The following NLGN1 variants were observed in gnomAD, a reference collection of about 807,000 sequenced individuals.
The protein encoded by NLGN1 is neuroligin-1.
A neutral mutation model predicts 65.5 loss-of-function variants in NLGN1; 12 were observed. The ratio of observed to expected loss-of-function variants is 0.18; its 90% CI spans 0.12 to 0.30. The LOEUF is 0.30. Ranked by LOEUF, NLGN1 falls within the 10% of genes least tolerant of loss-of-function variation. The pLI is 1.00. For synonymous variants in NLGN1, 350 were observed against 359.5 expected (o/e 0.97, Z 0.30); for missense variants, 750 against 1,007.1 (o/e 0.74, Z 3.46).
intron 4 of NLGN1, among the ~76,000 whole-genome samples, chr3:174,124,859 C>T (rs756262906): frequency 3.3e-5 from 5 of 151,910 alleles, no homozygotes; most frequent in Non-Finnish European, 7.4e-5. Context: ...ACGGAGGTTC[C>T]TGGAATCTTT....
chr3:173,615,930 G>A (rs974407501), intron 3 of NLGN1, among the ~76,000 whole-genome samples: 1 of 151,890 alleles, frequency 6.6e-6, no homozygotes, highest in African/African-American at 2.4e-5. Flanking sequence ...GCAGAGCCCT[G>A]GGGTAGGTCC....
intron 2 of NLGN1, among the ~76,000 whole-genome samples, chr3:173,495,191 T>G (rs1175745888): frequency 6.6e-6 from 1 of 151,816 alleles, no homozygotes; most frequent in Non-Finnish European, 1.5e-5. Context: ...ATTTTCAGTT[T>G]ATAGGTCTTA....
intron 3 of NLGN1, among the ~76,000 whole-genome samples, chr3:173,682,514 A>G (rs1426040383): frequency 3.5e-5 from 5 of 141,206 alleles, no homozygotes; most frequent in African/African-American, 1.3e-4. Flanking sequence ...GCTTGAACCC[A>G]GGAGGTGGAG....
intron 4 of NLGN1, among the ~76,000 whole-genome samples, chr3:174,254,443 T>A (rs976574767): frequency 6.6e-6 from 1 of 151,998 alleles, no homozygotes; most frequent in African/African-American, 2.4e-5. Context: ...TAGCTTTCAT[T>A]GCATCTAACT....
At chr3:174,106,659 T>C (rs1484254991) in intron 4 of NLGN1, among the ~76,000 whole-genome samples, 2 of 151,826 alleles carry the variant, frequency 1.3e-5, no homozygotes, top group Admixed American at 6.6e-5. Context: ...TAGAGAGATA[T>C]ATAGGAGGAG....
chr3:173,730,829 C>G (rs1051225792), intron 3 of NLGN1, among the ~76,000 whole-genome samples: 1 of 152,038 alleles, frequency 6.6e-6, no homozygotes, highest in Non-Finnish European at 1.5e-5. Flanking sequence ...AGCTTACTTA[C>G]GGAACATCAG....
At chr3:173,582,239 G>A (rs1746515626) in intron 2 of NLGN1, among the ~76,000 whole-genome samples, 1 of 151,904 alleles carries the variant, frequency 6.6e-6, no homozygotes, top group Non-Finnish European at 1.5e-5. Flanking sequence ...TGCAGTATAT[G>A]AATATTCTAT....
At chr3:173,526,665 C>T (rs1445295970) in intron 2 of NLGN1, among the ~76,000 whole-genome samples, 1 of 152,116 alleles carries the variant, frequency 6.6e-6, no homozygotes, top group Non-Finnish European at 1.5e-5. Context: ...TGACTGTTGT[C>T]ACCCGCTATG....
intron 4 of NLGN1, among the ~76,000 whole-genome samples, chr3:174,176,896 A>G (rs9816204): frequency 0.27 from 41,769 of 151,928 alleles, 7,235 homozygotes; most frequent in African/African-American, 0.49. Context: ...GGCTGCCTCA[A>G]TTTTAATGAC....
chr3:173,576,355 C>A (rs1745500271), intron 2 of NLGN1, among the ~76,000 whole-genome samples: 1 of 152,068 alleles, frequency 6.6e-6, no homozygotes, highest in Non-Finnish European at 1.5e-5. Context: ...CAAATTCCCA[C>A]AAATTTAATG....
chr3:173,631,317 T>C (rs1315851241), intron 3 of NLGN1, among the ~76,000 whole-genome samples: 1 of 151,950 alleles, frequency 6.6e-6, no homozygotes, highest in Non-Finnish European at 1.5e-5. Flanking sequence ...GTGTAGATTA[T>C]ATATATCTCT....
chr3:173,768,496 C>G (rs985200116), intron 3 of NLGN1, among the ~76,000 whole-genome samples: 1 of 152,082 alleles, frequency 6.6e-6, no homozygotes, highest in African/African-American at 2.4e-5. Flanking sequence ...CAAGCACACC[C>G]CTTTCATAAA....
intron 3 of NLGN1, among the ~76,000 whole-genome samples, chr3:173,748,245 A>G (rs1406083939): frequency 6.6e-6 from 1 of 152,114 alleles, no homozygotes; most frequent in Non-Finnish European, 1.5e-5. Context: ...GAAAATTTCA[A>G]GTGTGGAAGA....
intron 4 of NLGN1, among the ~76,000 whole-genome samples, chr3:173,991,886 C>T (rs1430616584): frequency 6.6e-6 from 1 of 152,064 alleles, no homozygotes; most frequent in Non-Finnish European, 1.5e-5. Context: ...GATCTTGGCT[C>T]ACTGCAACCT....
At chr3:173,402,876 G>T (rs886702468) in intron 1 of NLGN1, among the ~76,000 whole-genome samples, 1 of 152,028 alleles carries the variant, frequency 6.6e-6, no homozygotes, top group Non-Finnish European at 1.5e-5. Flanking sequence ...CATCATGGTC[G>T]GTCCCTTGAG....
chr3:174,265,320 G>C (rs1747832017), intron 4 of NLGN1, among the ~76,000 whole-genome samples: 1 of 151,864 alleles, frequency 6.6e-6, no homozygotes, highest in African/African-American at 2.4e-5. Flanking sequence ...TGCTGTGCTA[G>C]CAATCAGTGA....
intron 3 of NLGN1, among the ~76,000 whole-genome samples, chr3:173,643,440 A>G (rs1374497001): frequency 6.6e-6 from 1 of 152,246 alleles, no homozygotes; most frequent in Non-Finnish European, 1.5e-5. Context: ...GAAGGAAAAT[A>G]CACTAGGCAT....
intron 4 of NLGN1, among the ~76,000 whole-genome samples, chr3:173,827,649 G>GTGTGTT (rs1277144171): frequency 6.6e-6 from 1 of 151,294 alleles, no homozygotes; most frequent in African/African-American, 2.4e-5. Flanking sequence ...GTGTGTGTGT[G>GTGTGTT]TGTGTGTGTG....
intron 2 of NLGN1, among the ~76,000 whole-genome samples, chr3:173,477,175 T>C (rs949634132): frequency 2.0e-5 from 3 of 151,998 alleles, no homozygotes; most frequent in Non-Finnish European, 4.4e-5. Context: ...TGGGTGTCAA[T>C]GCAATGTAAT....
Sources: gnomAD v4.1 joint callset for allele counts (sites outside exome capture counted in the v4.1 genomes callset) on GRCh38, gnomAD v4.1.1 for gene constraint, MANE v1.5 for transcripts, NCBI Gene and HGNC (gene_info 2026-07-23, HGNC 2026-07-21) for gene names.